The following MLYCD variants were observed in gnomAD, a reference collection of about 807,000 sequenced individuals.
MLYCD encodes malonyl-CoA decarboxylase.
A neutral mutation model predicts 35.8 loss-of-function variants in MLYCD; 27 were observed. That is an observed-to-expected ratio of 0.75 (90% confidence interval 0.56 to 1.04). The LOEUF (loss-of-function observed/expected upper bound fraction) is 1.04. Among genes scored for constraint, MLYCD ranks in the 50% least tolerant of loss-of-function variants. The pLI, the probability that MLYCD is intolerant of heterozygous loss-of-function variation, is 0.00. For missense variants in MLYCD, 917 were observed against 665.1 expected, an observed-to-expected ratio of 1.38 and a Z score of -4.17; for synonymous variants, 403 against 302.4, an observed-to-expected ratio of 1.33 and a Z score of -3.45.
In MLYCD at chr16:83,917,776, T is replaced by G. The variant is rs1907474167; in HGVS notation, c.*2287T>G. ...TGGCCTAGACCTTAAAGACCAGCAG[T>G]CTTCTGTGCTTTATCCTGCTGCCTC... On this transcript the variant is annotated 3_prime_UTR_variant, in exon 5 of 5. Transcript: ENST00000262430. 6.6e-6 allele frequency: 1 copy of G among 152,240 alleles called. No individual in the cohort carries two copies. The highest frequency in any genetic ancestry group is 6.5e-5 in the Admixed American group (1 of 15,280). 9.4% of individuals were successfully genotyped at this position (152,240 alleles called of 1,614,324 possible).
chr16:83,916,028 G>A lies in MLYCD; in HGVS notation c.*539G>A, dbSNP rs1395327458. 1 of 1,005,756 alleles carries A rather than the reference G, an allele frequency of 9.9e-7. No individual in the cohort carries two copies. The highest frequency in any genetic ancestry group is 9.2e-5 in the East Asian group (1 of 10,876). The allele number at this position is 1,005,756 out of a possible 1,614,324, so 62.3% of individuals were successfully genotyped here. A position where few individuals can be genotyped will look rare whatever the true frequency, so the allele number is the denominator to read the frequency against. ...CTCATAAATGTATGAGAAGGTTTGT[G>A]ATTTTGCACAAGGTGTGTGTAGTAA... On this transcript the variant is annotated 3_prime_UTR_variant, in exon 5 of 5. Transcript: ENST00000262430.
rs1314242467 is a variant in MLYCD at position 83,925,108 on chromosome 16, T to G, written c.*9619T>G. 1 of 152,336 alleles carries G rather than the reference T, an allele frequency of 6.6e-6. No homozygotes were observed. The highest frequency in any genetic ancestry group is 1.5e-5 in the Non-Finnish European group (1 of 68,130). 9.4% of individuals were successfully genotyped at this position (152,336 alleles called of 1,614,324 possible). ...GCATCATTGTTAACAGAGCTTCTTT[T>G]CACTCTGAAGTGTTCAGTTAGGACA... is the stretch of plus-strand genomic sequence containing the variant. On this transcript the variant is annotated 3_prime_UTR_variant, in exon 5 of 5. Coordinates refer to ENST00000262430, the MANE Select transcript of MLYCD (RefSeq NM_012213.3).
intron 1 of MLYCD, among the ~76,000 whole-genome samples, chr16:83,904,235 T>G (rs569333761): frequency 5.3e-5 from 8 of 152,300 alleles, no homozygotes; most frequent in East Asian, 3.9e-4. Context: ...TACGCAGAGC[T>G]CAGCTCATCC....
At chr16:83,914,491 C>A (rs1293934532) in intron 4 of MLYCD, 1 of 249,078 alleles carries the variant, frequency 4.0e-6, no homozygotes, top group African/African-American at 2.3e-5. Flanking sequence ...GGCCAGCTGT[C>A]TGGTTTTAGG....
chr16:83,906,124 C>T (rs545274770), intron 1 of MLYCD, among the ~76,000 whole-genome samples: 89 of 152,262 alleles, frequency 5.8e-4, no homozygotes, highest in Admixed American at 4.1e-3. Context: ...CAGTGGCTGA[C>T]GCCTGTAATC....
Position 83,899,606 on chromosome 16 carries a change from G to T in MLYCD, c.462G>T (p.Leu154=). The T allele has an allele frequency of 6.3e-7, 1 of 1,582,624 alleles. No homozygotes were observed. The part of the protein sequence containing the change: ...ISKLDGGVRF[L]VQLRADLLEA... ...AGCTGGACGGCGGCGTGCGCTTCCT[G>T]GTGCAGCTGCGGGCCGACCTGCTGG... is the stretch of plus-strand genomic sequence containing the variant. Residue 154 remains leucine, a synonymous_variant, in exon 1 of 5, where the codon CTG becomes CTT. Coordinates refer to ENST00000262430, the MANE Select transcript of MLYCD (RefSeq NM_012213.3).
intron 2 of MLYCD, 44 bp from the exon 3 acceptor site, chr16:83,908,082 G>C (rs773021182): frequency 3.2e-5 from 51 of 1,612,616 alleles, no homozygotes; most frequent in Non-Finnish European, 4.3e-5. Flanking sequence ...GCCGTTGCTT[G>C]TGAATTATGC....
rs1907222606 is a variant in MLYCD at position 83,912,671 on chromosome 16, T to A, written c.948+304T>A. 7.3e-6 allele frequency: 3 copies of A among 409,590 alleles called. No individual in the cohort carries two copies. In the Admixed American group the frequency reaches 1.1e-4, roughly 15 times the overall value. The allele number at this position is 409,590 out of a possible 1,614,324, so 25.4% of individuals were successfully genotyped here. A position where few individuals can be genotyped will look rare whatever the true frequency, so the allele number is the denominator to read the frequency against. ...CCTCGTTCTGACCTGGTCAGGACAC[T>A]CTGGATTTCACGTGTCATCCTGGTG... On this transcript the variant is annotated intron_variant, in intron 4 of 4. Coordinates refer to ENST00000262430, the MANE Select transcript of MLYCD (RefSeq NM_012213.3).
At position 83,916,072 on chromosome 16, in the gene MLYCD, A is replaced by G. The variant is rs1907375043; in HGVS notation, c.*583A>G. On this transcript the variant is annotated 3_prime_UTR_variant, in exon 5 of 5. Transcript: ENST00000262430. ...GTAGTAAGTTAAATTGTTGAACACA[A>G]AAATGTTGCTGCTTGAGGCATAAGT... 7.0e-6 allele frequency: 7 copies of G among 997,092 alleles called. No homozygotes were observed. The South Asian group carries it at 3.1e-4, about 44-fold the overall frequency. The allele number at this position is 997,092 out of a possible 1,614,324, so 61.8% of individuals were successfully genotyped here.
At chr16:83,900,990 C>A (rs920731065) in intron 1 of MLYCD, among the ~76,000 whole-genome samples, 2 of 152,086 alleles carry the variant, frequency 1.3e-5, no homozygotes, top group African/African-American at 2.4e-5. Context: ...TAGAAACTTT[C>A]TTTTTTGGCT....
rs199656023 is a variant in MLYCD, at chr16:83,912,320, G to C, written c.901G>C (p.Val301Leu). The stretch of plus-strand genomic sequence containing the variant: ...CTTGACCCAGCAGGGACTCCAAGGG[G>C]TGGAGCTGGGAACATTCCTCATAAA... ...ISLTQQGLQGVELGTFLIKRV... is the reference protein window; with the variant it reads ...ISLTQQGLQGLELGTFLIKRV... The change falls in exon 4 of 5, where the codon GTG (valine) becomes CTG (leucine). Residue 301 changes from valine to leucine, a missense_variant. By Grantham distance (32) the Val-to-Leu change is conservative. Coordinates refer to ENST00000262430, the MANE Select transcript of MLYCD (RefSeq NM_012213.3). 77 of 1,614,194 alleles carry C rather than the reference G, an allele frequency of 4.8e-5. No individual in the cohort carries two copies. The highest frequency in any genetic ancestry group is 2.7e-4 in the Admixed American group (16 of 60,026).
rs2151062799 is a variant in MLYCD, at chr16:83,920,359, G to T, written c.*4870G>T. 1 of 152,316 alleles carries T rather than the reference G, an allele frequency of 6.6e-6. No individual in the cohort carries two copies. The highest frequency in any genetic ancestry group is 2.1e-4 in the South Asian group (1 of 4,832). The allele number at this position is 152,316 out of a possible 1,614,324, so 9.4% of individuals were successfully genotyped here. On this transcript the variant is annotated 3_prime_UTR_variant, in exon 5 of 5. Transcript: ENST00000262430. ...TAGCAGCTCATCTCACCAGGCTGAG[G>T]TCGCTGCCTGTGAACAGTTGACAGA... is the stretch of plus-strand genomic sequence containing the variant.
At chr16:83,912,129 A>C (rs1351360480) in intron 3 of MLYCD, 89 bp from the exon 4 acceptor site, 1 of 1,572,704 alleles carries the variant, frequency 6.4e-7, no homozygotes, top group Non-Finnish European at 8.7e-7. Flanking sequence ...CAGTGCTCTG[A>C]GAATTGTCTT....
intron 1 of MLYCD, among the ~76,000 whole-genome samples, chr16:83,902,677 TG>T (rs1184816519): frequency 6.6e-6 from 1 of 152,058 alleles, no homozygotes; most frequent in African/African-American, 2.4e-5. Context: ...GGCTAATTTT[TG>T]TATTTTTAGG....
At chr16:83,904,115 G>T (rs1290262422) in intron 1 of MLYCD, among the ~76,000 whole-genome samples, 1 of 152,186 alleles carries the variant, frequency 6.6e-6, no homozygotes, top group Non-Finnish European at 1.5e-5. Flanking sequence ...TAGGGGAGGA[G>T]CTTTCATCAG....
chr16:83,926,901 C>G lies in MLYCD; in HGVS notation c.*11412C>G, dbSNP rs1264451769. On this transcript the variant is annotated 3_prime_UTR_variant, in exon 5 of 5. Coordinates refer to ENST00000262430, the MANE Select transcript of MLYCD (RefSeq NM_012213.3). Reference sequence around the variant, plus strand: ...GCTTGGGCGCTGAATGTTAAAATTCCTAACAGGTGAATCGCTTGAATCCGG... The same window carrying G: ...GCTTGGGCGCTGAATGTTAAAATTCGTAACAGGTGAATCGCTTGAATCCGG... 1 of 152,252 alleles carries G rather than the reference C, an allele frequency of 6.6e-6. No homozygotes were observed. Among genetic ancestry groups the G allele is most frequent in the Admixed American group, 6.5e-5 (1 of 15,284 alleles). The allele number at this position is 152,252 out of a possible 1,614,324, so 9.4% of individuals were successfully genotyped here.
In MLYCD at chr16:83,899,476, A is replaced by C; in HGVS notation, c.332A>C (p.His111Pro). The change falls in exon 1 of 5, where the codon CAT (histidine) becomes CCT (proline). Residue 111 changes from histidine to proline, a missense_variant. Transcript: ENST00000262430. ...GCGGAGCAGAGCGCCGGCGTGCTCC[A>C]TCTGCGCCAGCAGCAGCGGGAGGCG... is the stretch of plus-strand genomic sequence containing the variant. ...QVAEQSAGVL[H>P]LRQQQREAAV... 6.4e-7 allele frequency: 1 copy of C among 1,557,118 alleles called. No homozygotes were observed.
At chr16:83,902,155 GTATATATATATATA>G (rs386385269) in intron 1 of MLYCD, among the ~76,000 whole-genome samples, 8,299 of 87,374 alleles carry the variant, frequency 0.095, 372 homozygotes, top group East Asian at 0.2. Context: ...GTGTGCGTGC[GTATATATATATATA>G]TATATATATA....
chr16:83,908,928 G>A (rs542638553), intron 3 of MLYCD, among the ~76,000 whole-genome samples: 1 of 152,200 alleles, frequency 6.6e-6, no homozygotes, highest in East Asian at 1.9e-4. Context: ...GGGCATTGCA[G>A]GTTTGCTCAG....
Sources: allele counts gnomAD v4.1 joint callset (sites outside exome capture counted in the v4.1 genomes callset), GRCh38; gene constraint gnomAD v4.1.1; transcripts MANE v1.5; gene names NCBI Gene and HGNC (gene_info 2026-07-23, HGNC 2026-07-21).